NHSL1: variants seen among roughly 807,000 people sequenced by gnomAD.
NHSL1 encodes NHS-like protein 1.
NHSL1 carries 48 observed loss-of-function variants against 95.0 expected under a neutral mutation model. The ratio of observed to expected loss-of-function variants is 0.51; its 90% CI spans 0.40 to 0.64. The LOEUF is 0.64. NHSL1 is among the 30% of genes least tolerant of loss of function. The pLI is 0.00. For synonymous variants in NHSL1, 783 were observed against 833.9 expected (o/e 0.94, Z 1.05); for missense variants, 1,971 against 2,077.7 (o/e 0.95, Z 1.00).
At chr6:138,663,054 A>C (rs1785246360) in intron 1 of NHSL1, among the ~76,000 whole-genome samples, 2 of 104,512 alleles carry the variant, frequency 1.9e-5, no homozygotes, top group South Asian at 7.9e-4. Context: ...TGTTCACCGA[A>C]CTCACGGCAA....
At chr6:138,548,358 T>C (rs751641820), upstream of NHSL1, among the ~76,000 whole-genome samples, 5 of 152,204 alleles carry the variant, frequency 3.3e-5, no homozygotes, top group Non-Finnish European at 7.4e-5. Flanking sequence ...GAGAATCTCA[T>C]TCCAGTCATA....
At chr6:138,548,474 A>G (rs1033906325), upstream of NHSL1, among the ~76,000 whole-genome samples, 1 of 152,148 alleles carries the variant, frequency 6.6e-6, no homozygotes, top group Non-Finnish European at 1.5e-5. Context: ...CTGAAACATT[A>G]TGAGATTGTT....
intron 1 of NHSL1, among the ~76,000 whole-genome samples, chr6:138,641,208 C>A (rs775810168): frequency 2.6e-5 from 4 of 152,164 alleles, no homozygotes; most frequent in Non-Finnish European, 5.9e-5. Context: ...GATCCCAGCT[C>A]AATGGGATTA....
At chr6:138,548,542 A>T (rs1782890906), upstream of NHSL1, among the ~76,000 whole-genome samples, 1 of 152,202 alleles carries the variant, frequency 6.6e-6, no homozygotes, top group Non-Finnish European at 1.5e-5. Flanking sequence ...TGTGTGGCCC[A>T]AGACAATCCT....
At chr6:138,600,960 T>C (rs1430521779) in intron 1 of NHSL1, among the ~76,000 whole-genome samples, 1 of 152,242 alleles carries the variant, frequency 6.6e-6, no homozygotes, top group Non-Finnish European at 1.5e-5. Context: ...CTAAATCATG[T>C]GTAAATCATT....
In NHSL1 at chr6:138,518,545, T is replaced by TAAAAG. The variant is rs199782084; in HGVS notation, c.17-22175_17-22174insCTTTT. Among the ~76,000 whole-genome samples, 945 of 151,494 alleles carry TAAAAG rather than the reference T, an allele frequency of 6.2e-3. 23 individuals carry two copies. Among genetic ancestry groups the TAAAAG allele is most frequent in the Admixed American group, 0.048 (730 of 15,198 alleles). On this transcript the variant is annotated intron_variant, in intron 1 of 4. Transcript: ENST00000342260. ...GTTGTTGCAATCTCACTTCAGAAAT[T>TAAAAG]AACAAGTTAAATTAACTCACTCTTC...
chr6:138,640,451 CG>C (rs749432991), intron 1 of NHSL1, among the ~76,000 whole-genome samples: 50 of 152,290 alleles, frequency 3.3e-4, no homozygotes, highest in Non-Finnish European at 1.9e-4. Context: ...AGATTTTCTT[CG>C]GCCTCTGCCA....
At chr6:138,665,789 T>C (rs1182101647) in intron 1 of NHSL1, among the ~76,000 whole-genome samples, 5 of 152,208 alleles carry the variant, frequency 3.3e-5, no homozygotes, top group Admixed American at 3.3e-4. Context: ...ATTAGAGCTA[T>C]AATCCTATCG....
chr6:138,431,428 G>A lies in NHSL1; in HGVS notation c.2917C>T (p.Pro973Ser), dbSNP rs375447812. The change falls in exon 6 of 8, where the codon CCT becomes TCT. Residue 973 changes from proline to serine, a missense_variant. Pro to Ser is a moderately conservative substitution (Grantham distance 74). This residue lies in a region of NHSL1 where 1,602 missense variants were observed against 1,654.5 expected (regional missense o/e 0.97). Coordinates refer to ENST00000343505, the MANE Select transcript of NHSL1 (RefSeq NM_001144060.2). This position sits in a 1 kb window ranked among gnomAD's most constrained non-coding sequence, Gnocchi z 4.0. ...GGAATGAGAGCTTCTGGCGGCGGAG[G>A]GGGGAACACAGGAGAGTGAGGCAGA... Reference protein sequence around the residue: ...SPLPHSPVFPPPPPEALIPFC... With the variant: ...SPLPHSPVFPSPPPEALIPFC... 7.7e-6 allele frequency: 12 copies of A among 1,550,700 alleles called. No homozygotes were observed. The Admixed American group carries it at 9.8e-5, about 13-fold the overall frequency.
intron 5 of NHSL1, among the ~76,000 whole-genome samples, chr6:138,440,262 G>A (rs139956615): frequency 2.6e-5 from 4 of 152,238 alleles, no homozygotes; most frequent in African/African-American, 7.2e-5. Context: ...ATTAGTTTCC[G>A]AATTAGTTAG....
chr6:138,673,452 A>G (rs1049682247), intron 1 of NHSL1, among the ~76,000 whole-genome samples: 10 of 138,340 alleles, frequency 7.2e-5, no homozygotes, highest in Non-Finnish European at 1.2e-4. Flanking sequence ...CTTCATTTTT[A>G]CAGCTACAAA....
At chr6:138,482,817 A>C (rs192393907) in intron 2 of NHSL1, among the ~76,000 whole-genome samples, 4 of 152,326 alleles carry the variant, frequency 2.6e-5, no homozygotes. Flanking sequence ...AGTGGGACTA[A>C]AGGGTTACAT....
At chr6:138,518,390 C>T (rs1162127066) in intron 1 of NHSL1, among the ~76,000 whole-genome samples, 1 of 148,544 alleles carries the variant, frequency 6.7e-6, no homozygotes, top group Non-Finnish European at 1.5e-5. Context: ...AAAATTACAG[C>T]AGGTTTTTTT....
intron 7 of NHSL1, among the ~76,000 whole-genome samples, chr6:138,428,659 T>C (rs746583379): frequency 6.6e-6 from 1 of 152,212 alleles, no homozygotes. Context: ...TTCAGGTAGG[T>C]ACAGCACTAT....
chr6:138,510,300 CTGGTTCACA>C lies in NHSL1; in HGVS notation c.17-13938_17-13930del. ...TCAACTGCTTTTGTTAAGAGGACAG[CTGGTTCACA>C]TGCAAAATGCTAATGAGACAAATTA... On this transcript the variant is annotated intron_variant, in intron 1 of 4. Transcript: ENST00000342260. Among the ~76,000 whole-genome samples, 9 of 152,280 alleles carry C rather than the reference CTGGTTCACA, an allele frequency of 5.9e-5. 2 individuals are homozygous for C. The highest frequency in any genetic ancestry group is 5.9e-4 in the Admixed American group (9 of 15,284).
chr6:138,435,126 G>T (rs1775988771), intron 5 of NHSL1: 1 of 154,772 alleles, frequency 6.5e-6, no homozygotes, highest in African/African-American at 2.4e-5. Flanking sequence ...GGGCAGGACA[G>T]AAGAAAAACC....
intron 1 of NHSL1, among the ~76,000 whole-genome samples, chr6:138,529,802 T>C (rs1782060576): frequency 6.6e-6 from 1 of 152,200 alleles, no homozygotes; most frequent in African/African-American, 2.4e-5. Context: ...GTGATTACAT[T>C]AGGCCCACTT....
intron 1 of NHSL1, among the ~76,000 whole-genome samples, chr6:138,620,551 T>G (rs1022312427): frequency 6.6e-6 from 1 of 152,172 alleles, no homozygotes; most frequent in African/African-American, 2.4e-5. Flanking sequence ...GGTTGGTGGT[T>G]GCTAACATAA....
At chr6:138,576,727 G>A (rs937900787), upstream of NHSL1, among the ~76,000 whole-genome samples, 1 of 152,298 alleles carries the variant, frequency 6.6e-6, no homozygotes, top group South Asian at 2.1e-4. Flanking sequence ...CCAGCGGGAC[G>A]GAAGCCCCAG....
Sources: allele counts gnomAD v4.1 joint callset (sites outside exome capture counted in the v4.1 genomes callset), GRCh38; gene constraint gnomAD v4.1.1; regional missense constraint gnomAD v4.1.1; non-coding constraint Gnocchi (gnomAD v3.1); transcripts MANE v1.5; gene names NCBI Gene and HGNC (gene_info 2026-07-23, HGNC 2026-07-21).